KCNT2: variants seen among roughly 807,000 people sequenced by gnomAD.
The protein encoded by KCNT2 is potassium sodium-activated channel subfamily T member 2.
A neutral mutation model predicts 153.8 loss-of-function variants in KCNT2; 67 were observed. The observed-to-expected ratio is 0.44, with a 90% CI of 0.36 to 0.53. The LOEUF is 0.53. Ranked by LOEUF, KCNT2 falls within the 20% of genes least tolerant of loss-of-function variation. The pLI is 0.00. For missense variants in KCNT2, 975 were observed against 1,354.8 expected (o/e 0.72, Z 4.40); for synonymous variants, 500 against 458.8 (o/e 1.09, Z -1.15).
intron 21 of KCNT2, among the ~76,000 whole-genome samples, chr1:196,306,766 C>T (rs1951939): frequency 6.6e-6 from 1 of 151,384 alleles, no homozygotes; most frequent in Non-Finnish European, 1.5e-5. Context: ...TCTGTAAAAC[C>T]TAACACGCCC....
chr1:196,469,158 A>T lies in KCNT2; in HGVS notation c.385-90T>A, dbSNP rs540983754. ...GACAGCACTTAGAATTTCTCTAGCA[A>T]TAAGGATGCTTCCATTAACAGAATA... On this transcript the variant is annotated intron_variant, in intron 5 of 27. Transcript: ENST00000294725. 5.7e-5 allele frequency: 41 copies of T among 715,582 alleles called. No homozygotes were observed. The South Asian group carries it at 6.2e-4, about 11-fold the overall frequency. The allele number at this position is 715,582 out of a possible 1,614,324, so 44.3% of individuals were successfully genotyped here.
At chr1:196,545,138 A>G (rs753855347) in intron 1 of KCNT2, among the ~76,000 whole-genome samples, 12 of 152,088 alleles carry the variant, frequency 7.9e-5, no homozygotes, top group Non-Finnish European at 1.3e-4. Context: ...CATACATGCT[A>G]AAAGTTACTA....
intron 12 of KCNT2, among the ~76,000 whole-genome samples, chr1:196,416,456 T>C (rs547159421): frequency 2.0e-5 from 3 of 152,200 alleles, no homozygotes; most frequent in East Asian, 1.9e-4. Context: ...TCGGCAATTA[T>C]AGGCATCAGC....
intron 1 of KCNT2, among the ~76,000 whole-genome samples, chr1:196,593,636 G>A (rs1011402794): frequency 6.6e-6 from 1 of 151,690 alleles, no homozygotes; most frequent in Admixed American, 6.6e-5. Flanking sequence ...TTGCATGCCT[G>A]TATCCAAACA....
chr1:196,477,125 T>C (rs1380508658), intron 5 of KCNT2, among the ~76,000 whole-genome samples: 2 of 152,144 alleles, frequency 1.3e-5, no homozygotes, highest in East Asian at 1.9e-4. Context: ...TATTCATCAA[T>C]CTGACATTCT....
chr1:196,395,150 C>T (rs564043350), intron 13 of KCNT2, among the ~76,000 whole-genome samples: 12 of 151,182 alleles, frequency 7.9e-5, no homozygotes, highest in African/African-American at 2.2e-4. Context: ...ATATATTACT[C>T]GGTTTGTTTT....
At chr1:196,535,245 T>G (rs1440167649) in intron 1 of KCNT2, among the ~76,000 whole-genome samples, 1 of 152,214 alleles carries the variant, frequency 6.6e-6, no homozygotes, top group Non-Finnish European at 1.5e-5. Context: ...ATTCACCATG[T>G]GGTCAACACC....
chr1:196,501,140 T>C (rs1680666147), intron 1 of KCNT2, among the ~76,000 whole-genome samples: 1 of 152,218 alleles, frequency 6.6e-6, no homozygotes, highest in Admixed American at 6.5e-5. Flanking sequence ...GTAAACAGTA[T>C]GGAGATTTTG....
intron 12 of KCNT2, among the ~76,000 whole-genome samples, chr1:196,413,630 A>T (rs1672516441): frequency 6.6e-6 from 1 of 151,858 alleles, no homozygotes; most frequent in African/African-American, 2.4e-5. Context: ...TTAAAATAAC[A>T]TTAATCTAGA....
At chr1:196,314,311 T>C (rs1019766614) in intron 21 of KCNT2, among the ~76,000 whole-genome samples, 4 of 151,600 alleles carry the variant, frequency 2.6e-5, no homozygotes, top group African/African-American at 9.7e-5. Context: ...TCAAAAAGCA[T>C]GATTTTTACC....
intron 1 of KCNT2, among the ~76,000 whole-genome samples, chr1:196,541,386 C>T (rs552241621): frequency 6.6e-6 from 1 of 151,604 alleles, no homozygotes; most frequent in African/African-American, 2.4e-5. Context: ...TTTTTACAAC[C>T]TATAAACTAA....
intron 14 of KCNT2, among the ~76,000 whole-genome samples, chr1:196,342,477 C>T (rs1388738812): frequency 7.2e-6 from 1 of 138,438 alleles, no homozygotes; most frequent in Non-Finnish European, 1.5e-5. Flanking sequence ...TGAGAAATGA[C>T]AGTTTTGTAG....
At position 196,286,638 on chromosome 1, in the gene KCNT2, TACAC is replaced by T. The variant is rs201006771; in HGVS notation, c.2596-884_2596-881del. Among the ~76,000 whole-genome samples the T allele has an allele frequency of 1.3e-3, 180 of 134,378 alleles. 1 individual carries two copies. Among genetic ancestry groups the T allele is most frequent in the Middle Eastern group, 3.7e-3 (1 of 268 alleles). The allele number at this position is 134,378 out of a possible 152,430, so 88.2% of individuals were successfully genotyped here. On this transcript the variant is annotated intron_variant, in intron 22 of 27. Coordinates refer to ENST00000294725, the MANE Select transcript of KCNT2 (RefSeq NM_198503.5). ...TATATCACACACACACACACACACA[TACAC>T]ACACACACACACACACACACACGTT...
chr1:196,378,845 T>C lies in KCNT2; in HGVS notation c.1295-5597A>G, dbSNP rs552177953. ...TATATATTATATATATATAATGTTA[T>C]GCATGGTTACTTGGGTGCCTAAAGA... On this transcript the variant is annotated intron_variant, in intron 13 of 27. Coordinates refer to ENST00000294725, the MANE Select transcript of KCNT2 (RefSeq NM_198503.5). Among the ~76,000 whole-genome samples, 8 of 148,688 alleles carry C rather than the reference T, an allele frequency of 5.4e-5. No homozygotes were observed. The South Asian group carries it at 1.7e-3, about 31-fold the overall frequency.
chr1:196,407,523 T>A (rs1671928421), intron 12 of KCNT2, among the ~76,000 whole-genome samples: 1 of 151,282 alleles, frequency 6.6e-6, no homozygotes, highest in Non-Finnish European at 1.5e-5. Context: ...AATTGCAAAA[T>A]CTCCCAAAAG....
At chr1:196,274,207 A>C (rs1403909205) in intron 25 of KCNT2, among the ~76,000 whole-genome samples, 1 of 151,638 alleles carries the variant, frequency 6.6e-6, no homozygotes, top group Admixed American at 6.6e-5. Flanking sequence ...GGTTATAAAT[A>C]AAAATCATGC....
At chr1:196,320,389 A>C (rs1186495799) in intron 19 of KCNT2, among the ~76,000 whole-genome samples, 2 of 151,902 alleles carry the variant, frequency 1.3e-5, no homozygotes, top group Non-Finnish European at 2.9e-5. Flanking sequence ...AGAAATAAAG[A>C]GTTTTAAAAA....
intron 1 of KCNT2, among the ~76,000 whole-genome samples, chr1:196,508,722 T>C (rs1572679231): frequency 6.6e-6 from 1 of 152,158 alleles, no homozygotes; most frequent in East Asian, 1.9e-4. Flanking sequence ...GAAATATACA[T>C]AAGACTACAG....
intron 26 of KCNT2, among the ~76,000 whole-genome samples, chr1:196,250,103 C>T (rs1275986528): frequency 6.6e-6 from 1 of 151,878 alleles, no homozygotes; most frequent in Non-Finnish European, 1.5e-5. Flanking sequence ...AAAAAGCATT[C>T]TAAAATTTAT....
Sources: gnomAD v4.1 joint callset for allele counts (sites outside exome capture counted in the v4.1 genomes callset) on GRCh38, gnomAD v4.1.1 for gene constraint, MANE v1.5 for transcripts, NCBI Gene and HGNC (gene_info 2026-07-23, HGNC 2026-07-21) for gene names.